Variants in MAST3 observed in about 807,000 individuals in gnomAD.
MAST3 encodes microtubule associated serine/threonine kinase 3.
MAST3 carries 43 observed loss-of-function variants against 127.0 expected under a neutral mutation model. The ratio of observed to expected loss-of-function variants is 0.34; its 90% CI spans 0.27 to 0.44. The LOEUF (loss-of-function observed/expected upper bound fraction) is 0.44, where lower values mean the gene tolerates loss of function less well. Among genes scored for constraint, MAST3 ranks in the 20% least tolerant of loss-of-function variants. The pLI is 1.00. For missense variants in MAST3, 1,390 were observed against 1,919.1 expected (o/e 0.72, Z 5.15); for synonymous variants, 785 against 809.2 (o/e 0.97, Z 0.51).
intron 25 of MAST3, among the ~76,000 whole-genome samples, chr19:18,146,342 G>A (rs1025560598): frequency 1.3e-5 from 2 of 152,188 alleles, no homozygotes; most frequent in East Asian, 3.9e-4. Flanking sequence ...GTACTTAGGA[G>A]TCTGAGGTGA....
chr19:18,144,116 G>A lies in MAST3; in HGVS notation c.2584+109G>A. On this transcript the variant is annotated intron_variant, in intron 22 of 27. Transcript: ENST00000687212. The surrounding 1 kb of genome is among the most constrained non-coding windows in gnomAD (Gnocchi z 4.0). The stretch of plus-strand genomic sequence containing the variant: ...GTAGGAGTTCTCCAGAGCCAACAAA[G>A]GCTTTAAGAGAGGAGAAGCCAGGGT... The A allele has an allele frequency of 7.0e-7, 1 of 1,419,542 alleles. No individual in the cohort carries two copies. Among genetic ancestry groups the A allele is most frequent in the Non-Finnish European group, 9.3e-7 (1 of 1,072,680 alleles). The allele number at this position is 1,419,542 out of a possible 1,614,324, so 87.9% of individuals were successfully genotyped here.
At position 18,149,210 on chromosome 19, in the gene MAST3, C is replaced by G; in HGVS notation, c.3528C>G (p.Pro1176=). 1 of 1,545,242 alleles carries G rather than the reference C, an allele frequency of 6.5e-7. No individual in the cohort carries two copies. Among genetic ancestry groups the G allele is most frequent in the Non-Finnish European group, 8.7e-7 (1 of 1,148,880 alleles). The change falls in exon 28 of 28, where the codon CCC becomes CCG. Residue 1176 remains proline, a synonymous_variant. Transcript: ENST00000687212. This position sits in a 1 kb window ranked among gnomAD's most constrained non-coding sequence, Gnocchi z 5.9. ...DVPADTTASP[P]SASPSSSSPA... is the part of the protein sequence containing the mutation. Reference sequence around the variant, plus strand: ...CCACAGATACCACTGCATCCCCACCCAGCGCATCCCCGAGCTCCAGCAGCC... The same window carrying G: ...CCACAGATACCACTGCATCCCCACCGAGCGCATCCCCGAGCTCCAGCAGCC...
rs77044945 is a variant in MAST3, at chr19:18,135,901, A to G, written c.1972+60A>G. 252 of 1,317,364 alleles carry G rather than the reference A, an allele frequency of 1.9e-4. No homozygotes were observed. The African/African-American group carries it at 3.5e-3, about 18-fold the overall frequency. The allele number at this position is 1,317,364 out of a possible 1,614,324, so 81.6% of individuals were successfully genotyped here. A position where few individuals can be genotyped will look rare whatever the true frequency, so the allele number is the denominator to read the frequency against. On this transcript the variant is annotated intron_variant, in intron 18 of 27. Coordinates refer to ENST00000687212, the MANE Select transcript of MAST3 (RefSeq NM_001393504.1). ...TCCTTCAGGCCCTGGGACCCAGGGA[A>G]TGGAGGGATAGCGCCCGGGGTAGAC...
rs1231811024 is a variant in MAST3, at chr19:18,110,675, C to T, written c.95C>T (p.Pro32Leu). ...GRGLSPSSQS[P>L]SLLGPSSPCS... is the part of the protein sequence containing the mutation. The stretch of plus-strand genomic sequence containing the variant: ...AGTCTGTCTCCGAGCAGCCAGAGCC[C>T]GTCCCTGCTGGGTCCCAGCAGCCCC... Residue 32 changes from proline to leucine, a missense_variant, in exon 3 of 28, where the codon CCG becomes CTG. Pro to Leu is a moderately conservative substitution (Grantham distance 98). Transcript: ENST00000687212. The surrounding 1 kb of genome is among the most constrained non-coding windows in gnomAD (Gnocchi z 4.3). The T allele has an allele frequency of 2.0e-6, 2 of 985,744 alleles. No individual in the cohort carries two copies. Among genetic ancestry groups the T allele is most frequent in the African/African-American group, 3.5e-5 (2 of 57,226 alleles). 61.1% of individuals were successfully genotyped at this position (985,744 alleles called of 1,614,324 possible). A position where few individuals can be genotyped will look rare whatever the true frequency, so the allele number is the denominator to read the frequency against.
Position 18,110,740 on chromosome 19 carries a change from A to G in MAST3, c.160A>G (p.Ser54Gly). 1 of 985,660 alleles carries G rather than the reference A, an allele frequency of 1.0e-6. No individual in the cohort carries two copies. The highest frequency in any genetic ancestry group is 1.2e-6 in the Non-Finnish European group (1 of 829,808). The allele number at this position is 985,660 out of a possible 1,614,324, so 61.1% of individuals were successfully genotyped here. The change falls in exon 3 of 28, where the codon AGC becomes GGC. Residue 54 changes from serine (S) to glycine (G), a missense_variant and splice_region_variant. By Grantham distance (56) the Ser-to-Gly change is moderately conservative. Around this residue, in one of 5 missense-constraint regions of MAST3, gnomAD observed 61 missense variants for 78.2 expected, o/e 0.78. Coordinates refer to ENST00000687212, the MANE Select transcript of MAST3 (RefSeq NM_001393504.1). The surrounding 1 kb of genome is among the most constrained non-coding windows in gnomAD (Gnocchi z 4.3). The part of the protein sequence containing the change: ...CSPSLGLHPW[S>G]CRSGNRKSLV... ...CCCCTCCTTGGGCCTGCACCCCTGG[A>G]GGTAAGTGACAGCGCGTGTGGGCGG... is the stretch of plus-strand genomic sequence containing the variant.
Position 18,130,480 on chromosome 19 carries a change from C to A in MAST3, c.1224-14C>A, listed in dbSNP as rs766789131. On this transcript the variant is annotated splice_polypyrimidine_tract_variant and intron_variant, in intron 13 of 27. Coordinates refer to ENST00000687212, the MANE Select transcript of MAST3 (RefSeq NM_001393504.1). ...CGATCTCCGGTCCCAGCAAGCCTGG[C>A]CCTCTGTCCCCAGGGCCGTCTACCT... 6.3e-6 allele frequency: 10 copies of A among 1,580,878 alleles called. No individual in the cohort carries two copies. Among genetic ancestry groups the A allele is most frequent in the Non-Finnish European group, 8.6e-6 (10 of 1,163,240 alleles).
chr19:18,145,141 G>A lies in MAST3; in HGVS notation c.2951G>A (p.Ser984Asn), dbSNP rs1200699782. ...CTGCGGCCCCCCATCGTTATCCACAGCTCTGGCAAGAAGTACGGCTTCAGC... is the reference window on the plus strand; with the variant it reads ...CTGCGGCCCCCCATCGTTATCCACAACTCTGGCAAGAAGTACGGCTTCAGC... Reference protein sequence around the residue: ...GSLRPPIVIHSSGKKYGFSLR... With the variant: ...GSLRPPIVIHNSGKKYGFSLR... The change falls in exon 24 of 28, where the codon AGC becomes AAC. Residue 984 changes from serine (S) to asparagine (N), a missense_variant. Coordinates refer to ENST00000687212, the MANE Select transcript of MAST3 (RefSeq NM_001393504.1). The surrounding 1 kb of genome is among the most constrained non-coding windows in gnomAD (Gnocchi z 5.9). 4 of 1,613,956 alleles carry A rather than the reference G, an allele frequency of 2.5e-6. No individual in the cohort carries two copies. Among genetic ancestry groups the A allele is most frequent in the Non-Finnish European group, 3.4e-6 (4 of 1,179,894 alleles).
At chr19:18,136,087 G>C (rs1313311633) in intron 18 of MAST3, among the ~76,000 whole-genome samples, 1 of 152,218 alleles carries the variant, frequency 6.6e-6, no homozygotes, top group Non-Finnish European at 1.5e-5. Context: ...AAGTGTGTGA[G>C]GCTGTAAAGT....
intron 1 of MAST3, among the ~76,000 whole-genome samples, chr19:18,099,773 C>G (rs2037405557): frequency 6.6e-6 from 1 of 152,202 alleles, no homozygotes; most frequent in African/African-American, 2.4e-5. Context: ...GGCATGTAGC[C>G]TTTCTTACCT....
intron 1 of MAST3, chr19:18,098,606 C>A: frequency 2.4e-6 from 1 of 417,566 alleles, no homozygotes; most frequent in Non-Finnish European, 4.8e-6. Flanking sequence ...CCCCGGGCAG[C>A]CACCCTTTGA....
intron 19 of MAST3, among the ~76,000 whole-genome samples, 172 bp downstream of exon 19, chr19:18,137,533 C>G (rs1260954226): frequency 4.6e-5 from 7 of 152,202 alleles, no homozygotes; most frequent in Admixed American, 4.6e-4. Context: ...TCGGCCGCCC[C>G]CTGGCTGGAT....
rs144212941 is a variant in MAST3 at position 18,138,700 on chromosome 19, T to C, written c.2096-315T>C. Among the ~76,000 whole-genome samples, 195 of 152,220 alleles carry C rather than the reference T, an allele frequency of 1.3e-3. 1 individual carries two copies. Among genetic ancestry groups the C allele is most frequent in the African/African-American group, 4.4e-3 (183 of 41,562 alleles). On this transcript the variant is annotated intron_variant, in intron 19 of 27. Transcript: ENST00000687212. ...TTGTAGTAGAGATGGGGTTTCACCATGTTGGCCAGGCTGGTCTCAAACTCC... is the reference window on the plus strand; with the variant it reads ...TTGTAGTAGAGATGGGGTTTCACCACGTTGGCCAGGCTGGTCTCAAACTCC...
chr19:18,147,742 C>T (rs868257731), intron 27 of MAST3, 118 bp downstream of exon 27: 61 of 768,748 alleles, frequency 7.9e-5, no homozygotes, highest in African/African-American at 6.9e-4. Flanking sequence ...AAAAGATGAC[C>T]GGGATCCTGG....
At chr19:18,141,238 G>C (rs1401461248) in intron 20 of MAST3, among the ~76,000 whole-genome samples, 1 of 152,112 alleles carries the variant, frequency 6.6e-6, no homozygotes. Flanking sequence ...TTGGTAGCCT[G>C]GCCCCTGAGC....
intron 1 of MAST3, among the ~76,000 whole-genome samples, chr19:18,100,843 T>C (rs528071095): frequency 6.6e-5 from 10 of 152,258 alleles, no homozygotes; most frequent in African/African-American, 2.4e-4. Context: ...TCAGATTTCC[T>C]GGAGGCCAAA....
intron 17 of MAST3, among the ~76,000 whole-genome samples, chr19:18,135,318 A>G (rs958898528): frequency 3.9e-5 from 6 of 152,098 alleles, no homozygotes; most frequent in Non-Finnish European, 8.8e-5. Flanking sequence ...TACAAAAATT[A>G]GCCGAGCATG....
In MAST3 at chr19:18,128,457, A is replaced by G; in HGVS notation, c.1136A>G (p.Glu379Gly). The change falls in exon 12 of 28, where the codon GAG becomes GGG. Residue 379 changes from glutamate to glycine, a missense_variant and splice_region_variant. Physicochemically the swap from Glu to Gly is moderately conservative, Grantham distance 98 (BLOSUM62 -2). Transcript: ENST00000687212. ...CAGCCCCCAGCACCTGAGTCCCCAG[A>G]GGTGAGTAGCAGAGGCTGGGGGACC... is the stretch of plus-strand genomic sequence containing the variant. ...EEQPPAPESP[E>G]SRALVGQSRR... 6.4e-7 allele frequency: 1 copy of G among 1,554,846 alleles called. No homozygotes were observed. Among genetic ancestry groups the G allele is most frequent in the East Asian group, 2.4e-5 (1 of 41,132 alleles).
chr19:18,145,920 C>T lies in MAST3; in HGVS notation c.3162+55C>T. The T allele has an allele frequency of 1.3e-6, 2 of 1,516,518 alleles. No individual in the cohort carries two copies. The highest frequency in any genetic ancestry group is 1.8e-6 in the Non-Finnish European group (2 of 1,140,828). 93.9% of individuals were successfully genotyped at this position (1,516,518 alleles called of 1,614,324 possible). On this transcript the variant is annotated intron_variant, in intron 25 of 27. Coordinates refer to ENST00000687212, the MANE Select transcript of MAST3 (RefSeq NM_001393504.1). The surrounding 1 kb of genome is among the most constrained non-coding windows in gnomAD (Gnocchi z 5.9). ...GCTCCCCAGCACCCCTTGGCCGCAG[C>T]TCCCGGTTCCCCGTGGTTCTCCGCG...
intron 1 of MAST3, among the ~76,000 whole-genome samples, chr19:18,106,862 C>T (rs61536155): frequency 9.2e-5 from 14 of 151,466 alleles, no homozygotes; most frequent in Non-Finnish European, 1.3e-4. Flanking sequence ...TGAGCCACTG[C>T]GCCTGACCGG....
Sources: allele counts gnomAD v4.1 joint callset (sites outside exome capture counted in the v4.1 genomes callset), GRCh38; gene constraint gnomAD v4.1.1; regional missense constraint gnomAD v4.1.1; non-coding constraint Gnocchi (gnomAD v3.1); transcripts MANE v1.5; gene names NCBI Gene and HGNC (gene_info 2026-07-23, HGNC 2026-07-21).